The following LPP variants were observed in gnomAD, a reference collection of about 807,000 sequenced individuals.
LPP encodes the protein lipoma-preferred partner.
A neutral mutation model predicts 60.4 loss-of-function variants in LPP; 38 were observed. The observed-to-expected ratio is 0.63, with a 90% CI of 0.49 to 0.83. LPP has a LOEUF of 0.83. Among genes scored for constraint, LPP ranks in the 40% least tolerant of loss-of-function variants. The pLI is 0.00. For missense variants in LPP, 902 were observed against 783.6 expected, an observed-to-expected ratio of 1.15 and a Z score of -1.80; for synonymous variants, 328 against 290.8, an observed-to-expected ratio of 1.13 and a Z score of -1.30.
At chr3:188,793,759 G>T (rs897897103) in intron 9 of LPP, among the ~76,000 whole-genome samples, 5 of 152,096 alleles carry the variant, frequency 3.3e-5, no homozygotes, top group African/African-American at 4.8e-5. Context: ...GCCCTTAGGT[G>T]CTAGGGCCAG....
chr3:188,582,877 A>C (rs941016213), intron 6 of LPP, among the ~76,000 whole-genome samples: 1 of 152,156 alleles, frequency 6.6e-6, no homozygotes, highest in Non-Finnish European at 1.5e-5. Context: ...AATATTTCAC[A>C]ATCTTTCTAC....
intron 5 of LPP, among the ~76,000 whole-genome samples, chr3:188,487,771 C>A (rs1247819213): frequency 1.3e-5 from 2 of 152,128 alleles, no homozygotes; most frequent in Non-Finnish European, 2.9e-5. Flanking sequence ...TGCGCAGTTT[C>A]CTCTCGGCTA....
At chr3:188,322,579 A>G (rs913720590) in intron 2 of LPP, among the ~76,000 whole-genome samples, 1 of 152,184 alleles carries the variant, frequency 6.6e-6, no homozygotes, top group African/African-American at 2.4e-5. Context: ...CCTTTTGGTT[A>G]TATACGGCCT....
At position 188,336,246 on chromosome 3, in the gene LPP, G is replaced by A. The variant is rs185374008; in HGVS notation, c.-66-5417G>A. On this transcript the variant is annotated intron_variant, in intron 2 of 11. Transcript: ENST00000617246. ...TGCTTGAAGTGGCTGTGGGACTAGA[G>A]TCTTATGCCCAGGATCTTGCCAACC... 2.2e-3 allele frequency among the ~76,000 whole-genome samples: 335 copies of A among 152,284 alleles called. 3 individuals are homozygous for A. In the South Asian group the frequency reaches 0.024, roughly 11 times the overall value.
chr3:188,435,506 T>C (rs1467332224), intron 4 of LPP, among the ~76,000 whole-genome samples: 1 of 152,186 alleles, frequency 6.6e-6, no homozygotes, highest in African/African-American at 2.4e-5. Context: ...AATTTGTTTC[T>C]CTGTTGGGGG....
At chr3:188,250,826 T>TCTTTTTCTTTCACTCTCTC (rs1729176465) in intron 2 of LPP, among the ~76,000 whole-genome samples, 1 of 137,366 alleles carries the variant, frequency 7.3e-6, no homozygotes, top group Non-Finnish European at 1.6e-5. Flanking sequence ...TTCTTTCTTT[T>TCTTTTTCTTTCACTCTCTC]TCTTTCTTTC....
rs1722106973 is a variant in LPP, at chr3:188,735,352, A to G, written c.1241-24761A>G. Among the ~76,000 whole-genome samples, 3 of 151,824 alleles carry G rather than the reference A, an allele frequency of 2.0e-5. No individual in the cohort carries two copies. The South Asian group carries it at 6.2e-4, about 32-fold the overall frequency. On this transcript the variant is annotated intron_variant, in intron 8 of 11. Coordinates refer to ENST00000617246, the MANE Select transcript of LPP (RefSeq NM_001375462.1). ...ATTTAATTCTTACTGTATGTAGTGTAATATAAATAAAATAAAAATTTTATT... is the reference window on the plus strand; with the variant it reads ...ATTTAATTCTTACTGTATGTAGTGTGATATAAATAAAATAAAAATTTTATT...
chr3:188,190,969 C>T lies in LPP; in HGVS notation c.-189-34436C>T, dbSNP rs543224840. ...GGTTGGGGCCAGGCGTGGTGGCTCA[C>T]GCCTGTAATCCCAGCACTTTGGGGG... On this transcript the variant is annotated intron_variant, in intron 1 of 11. Coordinates refer to ENST00000617246, the MANE Select transcript of LPP (RefSeq NM_001375462.1). Among the ~76,000 whole-genome samples the T allele has an allele frequency of 7.2e-5, 11 of 152,322 alleles. No individual in the cohort carries two copies. In the South Asian group the frequency reaches 1.0e-3, roughly 14 times the overall value.
At chr3:188,493,072 G>T (rs773213844) in intron 5 of LPP, among the ~76,000 whole-genome samples, 1 of 151,416 alleles carries the variant, frequency 6.6e-6, no homozygotes, top group Non-Finnish European at 1.5e-5. Context: ...CTTTTTTTCT[G>T]CCATAGTACT....
At chr3:188,171,861 C>G (rs938573659) in intron 1 of LPP, among the ~76,000 whole-genome samples, 2 of 152,266 alleles carry the variant, frequency 1.3e-5, no homozygotes, top group East Asian at 1.9e-4. Context: ...GAAAAGACAG[C>G]CTGCATGTTT....
chr3:188,612,352 G>A (rs1253482975), intron 7 of LPP, among the ~76,000 whole-genome samples: 1 of 152,126 alleles, frequency 6.6e-6, no homozygotes, highest in East Asian at 1.9e-4. Flanking sequence ...TGGCCTTTGA[G>A]CAAAACACTA....
chr3:188,353,927 A>T (rs1766726227), intron 3 of LPP, among the ~76,000 whole-genome samples: 1 of 152,114 alleles, frequency 6.6e-6, no homozygotes, highest in South Asian at 2.1e-4. Flanking sequence ...CCCTAAATGA[A>T]TTGACTAATT....
intron 9 of LPP, among the ~76,000 whole-genome samples, chr3:188,848,251 A>T (rs28771975): frequency 6.6e-6 from 1 of 152,160 alleles, no homozygotes; most frequent in African/African-American, 2.4e-5. Flanking sequence ...TGTGAAAACC[A>T]TAAGAGCCTC....
At chr3:188,732,500 G>A (rs1303990510) in intron 8 of LPP, among the ~76,000 whole-genome samples, 1 of 152,098 alleles carries the variant, frequency 6.6e-6, no homozygotes, top group Non-Finnish European at 1.5e-5. Flanking sequence ...GCTCACGCCT[G>A]TAATCCCAGC....
At chr3:188,704,469 C>A (rs1391496131) in intron 7 of LPP, among the ~76,000 whole-genome samples, 1 of 152,088 alleles carries the variant, frequency 6.6e-6, no homozygotes, top group Non-Finnish European at 1.5e-5. Flanking sequence ...AGGTCATAGT[C>A]AAATCTCTGT....
At chr3:188,712,681 C>T (rs1712056942) in intron 8 of LPP, 1 of 152,248 alleles carries the variant, frequency 6.6e-6, no homozygotes. Context: ...ATCACCTACT[C>T]TTTCTTTACT....
chr3:188,654,469 A>G (rs559267551), intron 7 of LPP, among the ~76,000 whole-genome samples: 1 of 152,324 alleles, frequency 6.6e-6, no homozygotes, highest in Admixed American at 6.5e-5. Flanking sequence ...AGATTCTTAC[A>G]CACCTTAGGG....
At chr3:188,382,321 G>T (rs1381517879) in intron 3 of LPP, among the ~76,000 whole-genome samples, 1 of 152,176 alleles carries the variant, frequency 6.6e-6, no homozygotes, top group Admixed American at 6.5e-5. Flanking sequence ...TATTTGCCTA[G>T]AGATCAGTAG....
chr3:188,230,789 G>GA (rs1469766500), intron 2 of LPP, among the ~76,000 whole-genome samples: 1 of 145,284 alleles, frequency 6.9e-6, no homozygotes, highest in East Asian at 2.0e-4. Context: ...AAAAAAAAAA[G>GA]AAAAAAAGCA....
Sources: allele counts gnomAD v4.1 joint callset (sites outside exome capture counted in the v4.1 genomes callset), GRCh38; gene constraint gnomAD v4.1.1; transcripts MANE v1.5; gene names NCBI Gene and HGNC (gene_info 2026-07-23, HGNC 2026-07-21).